COL5A1: variants seen among roughly 807,000 people sequenced by gnomAD.
COL5A1 encodes the protein collagen alpha-1(V) chain.
Under a neutral mutation model 263.7 loss-of-function variants are expected in COL5A1, and 16 were observed. The observed-to-expected ratio is 0.06, with a 90% CI of 0.04 to 0.09. The LOEUF (loss-of-function observed/expected upper bound fraction) is 0.09, where lower values mean the gene tolerates loss of function less well. Among genes scored for constraint, COL5A1 ranks in the 10% least tolerant of loss-of-function variants. The pLI, the probability that COL5A1 is intolerant of heterozygous loss-of-function variation, is 1.00. For synonymous variants in COL5A1, 1,012 were observed against 1,004.5 expected, an observed-to-expected ratio of 1.01 and a Z score of -0.14; for missense variants, 2,036 against 2,540.5, an observed-to-expected ratio of 0.80 and a Z score of 4.27.
At chr9:134,790,447 CA>C (rs1837638081) in intron 32 of COL5A1, among the ~76,000 whole-genome samples, 1 of 123,280 alleles carries the variant, frequency 8.1e-6, no homozygotes, top group Non-Finnish European at 1.7e-5. Context: ...TCCATCCACC[CA>C]CTCACCCATC....
intron 1 of COL5A1, among the ~76,000 whole-genome samples, chr9:134,663,448 C>A (rs866624664): frequency 1.3e-5 from 2 of 152,304 alleles, no homozygotes; most frequent in South Asian, 4.2e-4. Context: ...GCCGCCCTGG[C>A]CAACCTGGCA....
At chr9:134,674,453 G>C (rs1465756017) in intron 1 of COL5A1, among the ~76,000 whole-genome samples, 2 of 152,180 alleles carry the variant, frequency 1.3e-5, no homozygotes, top group East Asian at 3.8e-4. Context: ...GAAAAAAGAT[G>C]AGTGAGGAGA....
At chr9:134,701,694 T>C (rs1833682403) in intron 4 of COL5A1, among the ~76,000 whole-genome samples, 1 of 152,150 alleles carries the variant, frequency 6.6e-6, no homozygotes, top group Admixed American at 6.5e-5. Flanking sequence ...TCCGAGGCCA[T>C]CCTGGGACAG....
intron 4 of COL5A1, among the ~76,000 whole-genome samples, chr9:134,706,008 T>G (rs1463663190): frequency 6.6e-6 from 1 of 152,208 alleles, no homozygotes; most frequent in Non-Finnish European, 1.5e-5. Flanking sequence ...CAGCAAGGTT[T>G]GGGTTCGCAG....
rs1227352917 is a variant in COL5A1, at chr9:134,753,828, AACAC to A, written c.1720-17_1720-14del. On this transcript the variant is annotated intron_variant, in intron 14 of 65. Coordinates refer to ENST00000371817, the MANE Select transcript of COL5A1 (RefSeq NM_000093.5). ...CGAGTCCCCACCTCGAGCAGACATT[AACAC>A]ACACCATGTCTCCCTAGGGTCCCCC... 1 of 1,596,100 alleles carries A rather than the reference AACAC, an allele frequency of 6.3e-7. No individual in the cohort carries two copies. Among genetic ancestry groups the A allele is most frequent in the Admixed American group, 1.7e-5 (1 of 59,260 alleles).
intron 4 of COL5A1, among the ~76,000 whole-genome samples, chr9:134,715,900 TG>T (rs1486624072): frequency 3.3e-5 from 5 of 152,168 alleles, no homozygotes; most frequent in African/African-American, 1.2e-4. Flanking sequence ...CCCACAATTC[TG>T]GTGAAGGTGG....
intron 9 of COL5A1, among the ~76,000 whole-genome samples, 192 bp from the exon 10 acceptor site, chr9:134,738,282 G>A (rs950391146): frequency 6.6e-5 from 10 of 152,272 alleles, no homozygotes; most frequent in South Asian, 4.1e-4. Context: ...TTCTGCCAGC[G>A]AGTGCCAGGA....
At chr9:134,645,355 G>A (rs1245153518) in intron 1 of COL5A1, among the ~76,000 whole-genome samples, 4 of 152,322 alleles carry the variant, frequency 2.6e-5, no homozygotes, top group East Asian at 1.9e-4. Context: ...TCCCTGGACC[G>A]CCCCATCCCA....
intron 11 of COL5A1, among the ~76,000 whole-genome samples, chr9:134,747,460 C>A (rs1215533551): frequency 6.6e-6 from 1 of 152,106 alleles, no homozygotes; most frequent in Non-Finnish European, 1.5e-5. Context: ...CATTCCCACA[C>A]AAACGTACAC....
rs3811152 is a variant in COL5A1 at position 134,810,213 on chromosome 9, G to C, written c.3475-42G>C. ...ACGGGGAACAGAAAAGGTCCAAACGGTTGTCAAGCTTTCTAACCGAATCCC... is the reference window on the plus strand; with the variant it reads ...ACGGGGAACAGAAAAGGTCCAAACGCTTGTCAAGCTTTCTAACCGAATCCC... On this transcript the variant is annotated intron_variant, in intron 43 of 65. Transcript: ENST00000371817. The C allele has an allele frequency of 0.13, 205,012 of 1,607,744 alleles. 19,120 individuals are homozygous for C. The highest frequency in any genetic ancestry group is 0.51 in the African/African-American group (37,909 of 74,856).
intron 31 of COL5A1, among the ~76,000 whole-genome samples, chr9:134,788,395 G>T (rs961825016): frequency 5.9e-5 from 9 of 151,822 alleles, no homozygotes; most frequent in African/African-American, 2.2e-4. Context: ...TGAATGGAGG[G>T]GTAGGTGGAT....
chr9:134,668,954 C>CCCAT (rs760262319), intron 1 of COL5A1, among the ~76,000 whole-genome samples: 38,126 of 110,102 alleles, frequency 0.35, 7,528 homozygotes, highest in South Asian at 0.52. Context: ...CACCCACCCA[C>CCCAT]CCATCCATCC....
At chr9:134,822,817 G>C (rs530421398) in intron 59 of COL5A1, 181 bp from the exon 60 acceptor site, 137 of 736,746 alleles carry the variant, frequency 1.9e-4, no homozygotes, top group Non-Finnish European at 3.0e-4. Context: ...CACGAGGGGT[G>C]AGCACCAGCC....
At chr9:134,780,272 G>C (rs1294375329) in intron 28 of COL5A1, 126 bp downstream of exon 28, 2 of 921,732 alleles carry the variant, frequency 2.2e-6, no homozygotes, top group Non-Finnish European at 1.8e-6. Flanking sequence ...TGAGTACTGA[G>C]GGGGATGGAT....
chr9:134,715,926 ATAG>A (rs1057042982), intron 4 of COL5A1, among the ~76,000 whole-genome samples: 215 of 151,142 alleles, frequency 1.4e-3, no homozygotes, highest in African/African-American at 5.0e-3. Context: ...GGAGGTGATG[ATAG>A]TGGTGGTGGT....
In COL5A1 at chr9:134,647,118, C is replaced by T. The variant is rs565732914; in HGVS notation, c.109+4822C>T. On this transcript the variant is annotated intron_variant, in intron 1 of 65. Transcript: ENST00000371817. This position sits in a 1 kb window ranked among gnomAD's most constrained non-coding sequence, Gnocchi z 5.0. ...GAAAGAGCAGTGTTCCCACAGCCCT[C>T]TTTAGCTCCCAGAAGCACAGGCGAG... Among the ~76,000 whole-genome samples, 1 of 152,192 alleles carries T rather than the reference C, an allele frequency of 6.6e-6. No individual in the cohort carries two copies. Among genetic ancestry groups the T allele is most frequent in the Non-Finnish European group, 1.5e-5 (1 of 68,032 alleles).
At chr9:134,836,563 C>T (rs117557602) in intron 65 of COL5A1, among the ~76,000 whole-genome samples, 162 of 152,312 alleles carry the variant, frequency 1.1e-3, no homozygotes, top group Non-Finnish European at 1.9e-3. Context: ...CTGAGCAACA[C>T]GGATGGGTCC....
At chr9:134,712,071 T>TCCTTCTTCCTTTC in intron 4 of COL5A1, among the ~76,000 whole-genome samples, 1 of 44,218 alleles carries the variant, frequency 2.3e-5, no homozygotes, top group East Asian at 5.8e-4. Context: ...CTCCTTCCTG[T>TCCTTCTTCCTTTC]ACCCCTCCTT....
intron 63 of COL5A1, among the ~76,000 whole-genome samples, chr9:134,828,889 C>T (rs907749117): frequency 4.0e-5 from 6 of 150,390 alleles, no homozygotes; most frequent in African/African-American, 1.5e-4. Context: ...ACAGACCACA[C>T]ATTATACCAC....
Sources: allele counts gnomAD v4.1 joint callset (sites outside exome capture counted in the v4.1 genomes callset), GRCh38; gene constraint gnomAD v4.1.1; non-coding constraint Gnocchi (gnomAD v3.1); transcripts MANE v1.5; gene names NCBI Gene and HGNC (gene_info 2026-07-23, HGNC 2026-07-21).